Variants in ASIC2 observed in about 807,000 individuals in gnomAD.
ASIC2 encodes acid sensing ion channel subunit 2.
In ASIC2, 25 loss-of-function variants were observed where a neutral mutation model predicts 57.3. The observed-to-expected ratio is 0.44, with a 90% CI of 0.32 to 0.61. The LOEUF (loss-of-function observed/expected upper bound fraction) is 0.61. Ranked by LOEUF, ASIC2 falls within the 20% of genes least tolerant of loss-of-function variation. The pLI, the probability that ASIC2 is intolerant of heterozygous loss-of-function variation, is 0.06. For missense variants in ASIC2, 641 were observed against 738.1 expected, an observed-to-expected ratio of 0.87 and a Z score of 1.52; for synonymous variants, 319 against 307.5, an observed-to-expected ratio of 1.04 and a Z score of -0.39.
chr17:33,228,175 A>C (rs531218006), intron 1 of ASIC2, among the ~76,000 whole-genome samples: 1 of 152,242 alleles, frequency 6.6e-6, no homozygotes, highest in Non-Finnish European at 1.5e-5. Context: ...TAATTTCAAA[A>C]CCCAGATAGA....
intron 2 of ASIC2, among the ~76,000 whole-genome samples, chr17:33,107,514 T>TAGGA (rs1411991039): frequency 2.6e-5 from 4 of 152,230 alleles, no homozygotes; most frequent in Non-Finnish European, 5.9e-5. Flanking sequence ...GCATACTCTC[T>TAGGA]AGGACCACAT....
At chr17:33,218,485 A>G (rs979880465) in intron 1 of ASIC2, among the ~76,000 whole-genome samples, 1 of 152,254 alleles carries the variant, frequency 6.6e-6, no homozygotes, top group Non-Finnish European at 1.5e-5. Flanking sequence ...TTCCCTAAGA[A>G]GTGAGTAATA....
intron 1 of ASIC2, among the ~76,000 whole-genome samples, chr17:33,358,039 C>G (rs1036232407): frequency 4.6e-5 from 7 of 152,156 alleles, no homozygotes; most frequent in African/African-American, 1.4e-4. Context: ...TGAAGTTTGA[C>G]AATCATATAT....
intron 1 of ASIC2, among the ~76,000 whole-genome samples, chr17:33,797,314 C>T (rs964269240): frequency 6.6e-6 from 1 of 152,146 alleles, no homozygotes; most frequent in Admixed American, 6.5e-5. Context: ...TGAGACAAAC[C>T]TCTGAGATGT....
intron 1 of ASIC2, among the ~76,000 whole-genome samples, chr17:33,280,023 T>G (rs549360930): frequency 6.6e-6 from 1 of 152,264 alleles, no homozygotes; most frequent in Non-Finnish European, 1.5e-5. Flanking sequence ...AGATCTCAGC[T>G]ACATCATTTA....
intron 2 of ASIC2, among the ~76,000 whole-genome samples, chr17:33,089,856 G>C (rs2092150525): frequency 1.3e-5 from 2 of 152,168 alleles, no homozygotes; most frequent in Admixed American, 1.3e-4. Flanking sequence ...CTTGGCAGTG[G>C]GAGGTTGGGG....
At chr17:33,116,512 G>C (rs923080849) in intron 1 of ASIC2, among the ~76,000 whole-genome samples, 2 of 152,238 alleles carry the variant, frequency 1.3e-5, no homozygotes, top group Non-Finnish European at 2.9e-5. Flanking sequence ...CAGGCCCACT[G>C]TGGATGGCAG....
At chr17:33,801,787 A>G (rs931382338) in intron 1 of ASIC2, among the ~76,000 whole-genome samples, 2 of 152,190 alleles carry the variant, frequency 1.3e-5, no homozygotes. Context: ...GATTAAAAGT[A>G]AGTAAAATCT....
At chr17:33,431,648 T>A (rs941158574) in intron 1 of ASIC2, among the ~76,000 whole-genome samples, 1 of 152,086 alleles carries the variant, frequency 6.6e-6, no homozygotes, top group African/African-American at 2.4e-5. Flanking sequence ...AAAGATACCA[T>A]ATTTTAGAGT....
intron 1 of ASIC2, among the ~76,000 whole-genome samples, chr17:33,612,157 A>C (rs1348374303): frequency 6.7e-6 from 1 of 149,764 alleles, no homozygotes; most frequent in East Asian, 1.9e-4. Flanking sequence ...CCCACATTGC[A>C]GAGGGCAATC....
At chr17:34,125,210 C>T (rs1334466013) in intron 1 of ASIC2, among the ~76,000 whole-genome samples, 3 of 152,004 alleles carry the variant, frequency 2.0e-5, no homozygotes, top group African/African-American at 7.2e-5. Context: ...CAGTGTCTGC[C>T]CCCCGCTTCA....
Position 33,996,204 on chromosome 17 carries a change from T to C in ASIC2, c.555+159774A>G, listed in dbSNP as rs35731283. 3.5e-3 allele frequency among the ~76,000 whole-genome samples: 528 copies of C among 152,324 alleles called. 8 individuals carry two copies. The highest frequency in any genetic ancestry group is 0.012 in the African/African-American group (492 of 41,580). ...GACCATTTTTAATCAGGTTATTTGT[T>C]TTCTTGCTATTGAGTTGTGTGAGTT... is the stretch of plus-strand genomic sequence containing the variant. On this transcript the variant is annotated intron_variant, in intron 1 of 9. Coordinates refer to the ASIC2 transcript ENST00000359872.
At chr17:33,443,288 C>T (rs78011870) in intron 1 of ASIC2, among the ~76,000 whole-genome samples, 1 of 151,872 alleles carries the variant, frequency 6.6e-6, no homozygotes, top group African/African-American at 2.4e-5. Context: ...GAAGTATCCT[C>T]GCCTCCATTT....
intron 1 of ASIC2, among the ~76,000 whole-genome samples, chr17:33,267,477 C>T (rs1013222387): frequency 1.3e-5 from 2 of 152,194 alleles, no homozygotes; most frequent in South Asian, 2.1e-4. Context: ...CACACACTCT[C>T]GAGGATCATT....
chr17:34,071,268 T>C (rs1003526159), intron 1 of ASIC2: 4 of 152,110 alleles, frequency 2.6e-5, no homozygotes, highest in Non-Finnish European at 5.9e-5. Flanking sequence ...ATCTGTCCCT[T>C]GGTCAATTAC....
chr17:33,036,862 C>T (rs1177632221), intron 3 of ASIC2, among the ~76,000 whole-genome samples: 1 of 152,092 alleles, frequency 6.6e-6, no homozygotes, highest in Non-Finnish European at 1.5e-5. Flanking sequence ...CCCCTCTGGA[C>T]CTTAGTTTCT....
chr17:33,132,088 G>A (rs556943905), intron 1 of ASIC2, among the ~76,000 whole-genome samples: 1 of 152,270 alleles, frequency 6.6e-6, no homozygotes, highest in South Asian at 2.1e-4. Flanking sequence ...CCTGCACTGG[G>A]TCTGCCTAGC....
rs144625973 is a variant in ASIC2 at position 33,949,912 on chromosome 17, G to A, written c.555+206066C>T. ...TCCCAATGAGAAATGAAAACTCAGA[G>A]AGCCTAGAGATGTACCTCCAAATCA... On this transcript the variant is annotated intron_variant, in intron 1 of 9. Transcript: ENST00000359872. 2.1e-4 allele frequency among the ~76,000 whole-genome samples: 32 copies of A among 152,320 alleles called. No individual in the cohort carries two copies. In the East Asian group the frequency reaches 5.4e-3, roughly 26 times the overall value.
At chr17:33,686,548 C>A (rs1441823900) in intron 1 of ASIC2, among the ~76,000 whole-genome samples, 1 of 152,186 alleles carries the variant, frequency 6.6e-6, no homozygotes, top group Non-Finnish European at 1.5e-5. Flanking sequence ...TGGTTGAGAT[C>A]CATGGGCAAC....
Sources: gnomAD v4.1 joint callset for allele counts (sites outside exome capture counted in the v4.1 genomes callset) on GRCh38, gnomAD v4.1.1 for gene constraint, MANE v1.5 for transcripts, NCBI Gene and HGNC (gene_info 2026-07-23, HGNC 2026-07-21) for gene names.